Variants in NUP98 observed in about 807,000 individuals in gnomAD.
NUP98 encodes the protein nucleoporin 98 and 96 precursor.
NUP98 carries 26 observed loss-of-function variants against 191.9 expected under a neutral mutation model. That is an observed-to-expected ratio of 0.14 (90% CI 0.10 to 0.19). The LOEUF (loss-of-function observed/expected upper bound fraction) is 0.19. NUP98 is among the 10% of genes least tolerant of loss of function. The pLI, the probability that NUP98 is intolerant of heterozygous loss-of-function variation, is 1.00. For missense variants in NUP98, 1,941 were observed against 2,178.8 expected, an observed-to-expected ratio of 0.89 and a Z score of 2.17; for synonymous variants, 808 against 778.4, an observed-to-expected ratio of 1.04 and a Z score of -0.63.
chr11:3,718,365 G>A (rs190586703), intron 18 of NUP98, among the ~76,000 whole-genome samples: 4 of 152,126 alleles, frequency 2.6e-5, no homozygotes, highest in Admixed American at 2.0e-4. Flanking sequence ...GCAAAACCCT[G>A]TCTCTACTAA....
At chr11:3,724,620 C>T (rs1324155005) in intron 15 of NUP98, among the ~76,000 whole-genome samples, 1 of 151,332 alleles carries the variant, frequency 6.6e-6, no homozygotes, top group African/African-American at 2.4e-5. Context: ...AGGTGAAACG[C>T]CGTCTCTACT....
intron 19 of NUP98, among the ~76,000 whole-genome samples, chr11:3,713,212 T>C (rs1359251473): frequency 6.6e-6 from 1 of 152,178 alleles, no homozygotes; most frequent in African/African-American, 2.4e-5. Flanking sequence ...AATAGACACC[T>C]GCCTGATGAA....
At chr11:3,793,861 C>T (rs574890542) in intron 1 of NUP98, among the ~76,000 whole-genome samples, 2 of 151,928 alleles carry the variant, frequency 1.3e-5, no homozygotes, top group South Asian at 4.2e-4. Flanking sequence ...TCCAGCTACT[C>T]GGGAGGCTGA....
chr11:3,781,973 T>C (rs1276808450), intron 2 of NUP98, 69 bp downstream of exon 2: 9 of 1,002,708 alleles, frequency 9.0e-6, no homozygotes, highest in Non-Finnish European at 1.4e-5. Flanking sequence ...CTAAAGCTTA[T>C]CAGAGTGGAT....
intron 28 of NUP98, 139 bp downstream of exon 28, chr11:3,691,207 TC>T (rs1371844198): frequency 8.7e-6 from 7 of 805,630 alleles, no homozygotes; most frequent in Non-Finnish European, 1.4e-5. Flanking sequence ...CTCTTTCCAT[TC>T]AACTACTTTA....
In NUP98 at chr11:3,778,991, A is replaced by C; in HGVS notation, c.237T>G (p.Phe79Leu). ...CTGTTCCTGTTGACGTACCAAACCC[A>C]AAGCCAGTGCTTGTGGAGGTAGCTG... ...SQPATSTSTGFGFGTSTGTAN... is the reference protein window; with the variant it reads ...SQPATSTSTGLGFGTSTGTAN... Residue 79 changes from phenylalanine to leucine, a missense_variant, in exon 4 of 33, where the codon TTT becomes TTG. Around this residue, in one of 6 missense-constraint regions of NUP98, gnomAD observed 154 missense variants for 182.9 expected, o/e 0.84. Transcript: ENST00000324932. The C allele has an allele frequency of 6.2e-7, 1 of 1,614,232 alleles. No individual in the cohort carries two copies. Among genetic ancestry groups the C allele is most frequent in the Non-Finnish European group, 8.5e-7 (1 of 1,180,034 alleles).
intron 1 of NUP98, among the ~76,000 whole-genome samples, chr11:3,790,310 C>T (rs958860542): frequency 6.6e-6 from 1 of 152,118 alleles, no homozygotes; most frequent in Admixed American, 6.5e-5. Context: ...CAGACATAAG[C>T]AGAAGCTGCT....
intron 26 of NUP98, 35 bp downstream of exon 26, chr11:3,695,414 C>A (rs199877945): frequency 4.7e-6 from 7 of 1,479,474 alleles, no homozygotes; most frequent in South Asian, 1.4e-5. Flanking sequence ...TATGAAAAAA[C>A]CAATGTGAGA....
intron 11 of NUP98, among the ~76,000 whole-genome samples, chr11:3,751,606 C>T (rs1331027559): frequency 2.6e-5 from 4 of 152,132 alleles, no homozygotes; most frequent in Non-Finnish European, 5.9e-5. Context: ...TGCCTATATT[C>T]CCAGCACTTT....
intron 17 of NUP98, among the ~76,000 whole-genome samples, chr11:3,720,105 C>G (rs2079335427): frequency 6.6e-6 from 1 of 152,080 alleles, no homozygotes; most frequent in Admixed American, 6.6e-5. Context: ...TCAAAACAAC[C>G]TTCTTAAATC....
chr11:3,757,531 G>C (rs2081012974), intron 10 of NUP98, among the ~76,000 whole-genome samples: 1 of 151,918 alleles, frequency 6.6e-6, no homozygotes, highest in South Asian at 2.1e-4. Flanking sequence ...GAGCGTGGTG[G>C]TTCACACCTG....
chr11:3,682,030 T>C (rs561540247), intron 30 of NUP98, among the ~76,000 whole-genome samples: 2 of 152,336 alleles, frequency 1.3e-5, no homozygotes, highest in Admixed American at 6.5e-5. Flanking sequence ...TGCTTCACCT[T>C]GCACTTTAAT....
rs373971541 is a variant in NUP98, at chr11:3,784,992, G to A, written c.-28-2847C>T. ...GTCTCTACTAAAAATACAAAAATTA[G>A]CCAGGTGTGGTGGCAGGCGCCTGCC... On this transcript the variant is annotated intron_variant, in intron 1 of 32. Coordinates refer to ENST00000324932, the MANE Select transcript of NUP98 (RefSeq NM_016320.5). 4.5e-3 allele frequency among the ~76,000 whole-genome samples: 691 copies of A among 151,884 alleles called. 4 individuals are homozygous for A. The highest frequency in any genetic ancestry group is 0.016 in the African/African-American group (645 of 41,422).
chr11:3,686,811 C>T (rs2078146337), intron 28 of NUP98, among the ~76,000 whole-genome samples: 1 of 152,056 alleles, frequency 6.6e-6, no homozygotes, highest in African/African-American at 2.4e-5. Context: ...GATGGTGAAA[C>T]TCTTGCCTCT....
intron 1 of NUP98, among the ~76,000 whole-genome samples, chr11:3,791,212 A>C (rs1489601006): frequency 6.6e-6 from 1 of 152,048 alleles, no homozygotes; most frequent in Non-Finnish European, 1.5e-5. Context: ...TTAATTTCAA[A>C]GAATGATTGA....
chr11:3,794,378 T>A (rs540305877), intron 1 of NUP98, among the ~76,000 whole-genome samples: 34 of 152,156 alleles, frequency 2.2e-4, no homozygotes, highest in Admixed American at 2.2e-3. Context: ...TGGAGTGCAG[T>A]GGCACAATCT....
At chr11:3,768,404 G>C (rs1048302185) in intron 8 of NUP98, among the ~76,000 whole-genome samples, 177 bp downstream of exon 8, 15 of 147,734 alleles carry the variant, frequency 1.0e-4, no homozygotes, top group African/African-American at 3.8e-4. Flanking sequence ...CTGGGTGACA[G>C]AGCGAGACTC....
At chr11:3,783,059 T>G (rs534434688) in intron 1 of NUP98, among the ~76,000 whole-genome samples, 1 of 152,210 alleles carries the variant, frequency 6.6e-6, no homozygotes, top group Non-Finnish European at 1.5e-5. Context: ...CTTATCTATC[T>G]TCTACTTCTA....
chr11:3,741,537 C>T (rs2080286486), intron 12 of NUP98, among the ~76,000 whole-genome samples: 1 of 152,040 alleles, frequency 6.6e-6, no homozygotes, highest in Non-Finnish European at 1.5e-5. Context: ...AGGAGAATCG[C>T]TTCAATCCAG....
Sources: gnomAD v4.1 joint callset for allele counts (sites outside exome capture counted in the v4.1 genomes callset) on GRCh38, gnomAD v4.1.1 for gene constraint, gnomAD v4.1.1 regional missense constraint, MANE v1.5 for transcripts, NCBI Gene and HGNC (gene_info 2026-07-23, HGNC 2026-07-21) for gene names.